Variants in NLGN1 observed in about 807,000 individuals in gnomAD.
NLGN1 encodes neuroligin-1.
NLGN1 carries 12 observed loss-of-function variants against 65.5 expected under a neutral mutation model. The ratio of observed to expected loss-of-function variants is 0.18; its 90% CI spans 0.12 to 0.30. The LOEUF (loss-of-function observed/expected upper bound fraction) is 0.30. Among genes scored for constraint, NLGN1 ranks in the 10% least tolerant of loss-of-function variants. The pLI, the probability that NLGN1 is intolerant of heterozygous loss-of-function variation, is 1.00. For synonymous variants in NLGN1, 350 were observed against 359.5 expected (o/e 0.97, Z 0.30); for missense variants, 750 against 1,007.1 (o/e 0.74, Z 3.46).
At chr3:173,673,414 A>G (rs556592446) in intron 3 of NLGN1, among the ~76,000 whole-genome samples, 2 of 152,318 alleles carry the variant, frequency 1.3e-5, no homozygotes, top group East Asian at 1.9e-4. Context: ...GTATCAGAAC[A>G]TTAGAGTATA....
At chr3:173,568,386 A>T (rs572169543) in intron 2 of NLGN1, among the ~76,000 whole-genome samples, 1 of 151,424 alleles carries the variant, frequency 6.6e-6, no homozygotes, top group East Asian at 2.0e-4. Flanking sequence ...GGTGCCCCCC[A>T]CCAGGCCTGG....
intron 4 of NLGN1, among the ~76,000 whole-genome samples, chr3:173,895,403 T>A (rs1736164775): frequency 6.6e-6 from 1 of 152,154 alleles, no homozygotes; most frequent in Admixed American, 6.5e-5. Context: ...GCAATGAAAC[T>A]AAAACTTGGG....
At chr3:173,795,839 A>G (rs1347354276) in intron 3 of NLGN1, among the ~76,000 whole-genome samples, 1 of 152,074 alleles carries the variant, frequency 6.6e-6, no homozygotes, top group African/African-American at 2.4e-5. Flanking sequence ...AACAATGGCA[A>G]TATCTTAAAT....
chr3:173,835,186 GT>G (rs1723374169), intron 4 of NLGN1, among the ~76,000 whole-genome samples: 1 of 152,120 alleles, frequency 6.6e-6, no homozygotes, highest in East Asian at 1.9e-4. Flanking sequence ...GAGCATTATA[GT>G]TTATCAGAAA....
chr3:173,988,869 C>CCTGCCAT (rs1478603566), intron 4 of NLGN1, among the ~76,000 whole-genome samples: 1 of 152,056 alleles, frequency 6.6e-6, no homozygotes, highest in Non-Finnish European at 1.5e-5. Flanking sequence ...TATCAACCTC[C>CCTGCCAT]CTGCCATCTC....
chr3:174,082,895 G>T (rs1474306945), intron 4 of NLGN1, among the ~76,000 whole-genome samples: 1 of 151,604 alleles, frequency 6.6e-6, no homozygotes, highest in East Asian at 1.9e-4. Flanking sequence ...TAATTTTTTT[G>T]TGTGTATTTT....
At chr3:173,624,874 A>C (rs529155875) in intron 3 of NLGN1, among the ~76,000 whole-genome samples, 1 of 139,398 alleles carries the variant, frequency 7.2e-6, no homozygotes, top group South Asian at 2.3e-4. Flanking sequence ...CTCTCTCTTT[A>C]TTTATATTTT....
chr3:173,603,919 C>G (rs1416061796), intron 2 of NLGN1, among the ~76,000 whole-genome samples: 1 of 152,044 alleles, frequency 6.6e-6, no homozygotes, highest in African/African-American at 2.4e-5. Flanking sequence ...GGTTTTAAAA[C>G]TGAAACAGAT....
intron 4 of NLGN1, among the ~76,000 whole-genome samples, chr3:174,124,594 C>T (rs553292937): frequency 1.3e-5 from 1 of 78,862 alleles, no homozygotes; most frequent in Non-Finnish European, 2.2e-5. Context: ...CGTATATATA[C>T]GTATACATAT....
intron 4 of NLGN1, among the ~76,000 whole-genome samples, chr3:174,009,555 G>C (rs1323008213): frequency 6.6e-6 from 1 of 152,100 alleles, no homozygotes; most frequent in African/African-American, 2.4e-5. Flanking sequence ...CCAGAAATTG[G>C]TGGAGCGAGT....
At chr3:174,050,552 A>G (rs1450168204) in intron 4 of NLGN1, among the ~76,000 whole-genome samples, 1 of 152,114 alleles carries the variant, frequency 6.6e-6, no homozygotes, top group African/African-American at 2.4e-5. Context: ...AGAAAATAGT[A>G]CATCGCTTAG....
intron 4 of NLGN1, among the ~76,000 whole-genome samples, chr3:173,943,824 C>T (rs1057029067): frequency 6.6e-6 from 1 of 152,178 alleles, no homozygotes; most frequent in African/African-American, 2.4e-5. Context: ...TCTAGAACCA[C>T]TTCAGAAAGC....
intron 3 of NLGN1, among the ~76,000 whole-genome samples, chr3:173,755,484 C>T (rs1578275614): frequency 1.3e-5 from 2 of 152,100 alleles, no homozygotes; most frequent in South Asian, 4.2e-4. Flanking sequence ...TGACATTTGA[C>T]ATGTTGTAGG....
intron 2 of NLGN1, among the ~76,000 whole-genome samples, chr3:173,478,569 A>T (rs79205635): frequency 0.16 from 24,531 of 152,128 alleles, 2,060 homozygotes; most frequent in Middle Eastern, 0.26. Flanking sequence ...AATTAAAAAA[A>T]TTTTTTACAA....
At position 173,576,169 on chromosome 3, in the gene NLGN1, C is replaced by T. The variant is rs539572171; in HGVS notation, c.-320-28110C>T. Among the ~76,000 whole-genome samples the T allele has an allele frequency of 1.7e-4, 26 of 152,010 alleles. No individual in the cohort carries two copies. In the East Asian group the frequency reaches 4.6e-3, roughly 27 times the overall value. Reference sequence around the variant, plus strand: ...TTGACATATTGGGCTACATATAATACAGTATTAAATTTAATTTAACTTGAT... The same window carrying T: ...TTGACATATTGGGCTACATATAATATAGTATTAAATTTAATTTAACTTGAT... On this transcript the variant is annotated intron_variant, in intron 2 of 6. Transcript: ENST00000457714.
chr3:173,911,273 C>T (rs368582842), intron 4 of NLGN1, among the ~76,000 whole-genome samples: 34 of 152,084 alleles, frequency 2.2e-4, no homozygotes, highest in African/African-American at 7.2e-4. Flanking sequence ...AGTAGTTTAT[C>T]TCAATTATTA....
intron 4 of NLGN1, among the ~76,000 whole-genome samples, chr3:173,848,266 C>T (rs1726205767): frequency 6.6e-6 from 1 of 152,158 alleles, no homozygotes; most frequent in Non-Finnish European, 1.5e-5. Context: ...TAGCCATTAA[C>T]AACCCAAATC....
At chr3:173,760,629 G>A (rs1777832171) in intron 3 of NLGN1, among the ~76,000 whole-genome samples, 2 of 151,910 alleles carry the variant, frequency 1.3e-5, no homozygotes, top group Admixed American at 1.3e-4. Flanking sequence ...TTAGTAAGTA[G>A]CTCAGTCTAA....
chr3:173,698,764 A>G (rs772277184), intron 3 of NLGN1, among the ~76,000 whole-genome samples: 72 of 152,168 alleles, frequency 4.7e-4, no homozygotes, highest in Non-Finnish European at 8.8e-4. Context: ...TTCTTTTGAC[A>G]TTATCTGCCT....
Sources: allele counts gnomAD v4.1 joint callset (sites outside exome capture counted in the v4.1 genomes callset), GRCh38; gene constraint gnomAD v4.1.1; transcripts MANE v1.5; gene names NCBI Gene and HGNC (gene_info 2026-07-23, HGNC 2026-07-21).